The following ADAM22 variants were observed in gnomAD, a reference collection of about 807,000 sequenced individuals.
The protein encoded by ADAM22 is ADAM metallopeptidase domain 22, also known as disintegrin and metalloproteinase domain-containing protein 22.
In ADAM22, 65 loss-of-function variants were observed where a neutral mutation model predicts 144.6. The ratio of observed to expected loss-of-function variants is 0.45; its 90% CI spans 0.37 to 0.55. ADAM22 has a LOEUF of 0.55. ADAM22 is among the 20% of genes least tolerant of loss of function. ADAM22 has a pLI of 0.00. For synonymous variants in ADAM22, 391 were observed against 412.6 expected, an observed-to-expected ratio of 0.95 and a Z score of 0.63; for missense variants, 974 against 1,184.9, an observed-to-expected ratio of 0.82 and a Z score of 2.61.
At chr7:87,956,206 C>G (rs958578317) in intron 2 of ADAM22, among the ~76,000 whole-genome samples, 4 of 152,148 alleles carry the variant, frequency 2.6e-5, no homozygotes, top group Admixed American at 6.5e-5. Context: ...GCAGAAATCA[C>G]CCGTCTTCTG....
In ADAM22 at chr7:88,198,207, T is replaced by G. The variant is rs1850880246; in HGVS notation, c.*1716T>G. On this transcript the variant is annotated 3_prime_UTR_variant, in exon 32 of 32. Transcript: ENST00000413139. ...GGACAAAATCCATATCATCTTCATA[T>G]GTAATCAATTTGATTACATATCATG... is the stretch of plus-strand genomic sequence containing the variant. 1 of 152,230 alleles carries G rather than the reference T, an allele frequency of 6.6e-6. No homozygotes were observed. Among genetic ancestry groups the G allele is most frequent in the Non-Finnish European group, 1.5e-5 (1 of 68,044 alleles). The allele number at this position is 152,230 out of a possible 1,614,324, so 9.4% of individuals were successfully genotyped here.
In ADAM22 at chr7:88,145,404, A is replaced by T. The variant is rs1391490373; in HGVS notation, c.1393-11A>T. 1 of 1,606,612 alleles carries T rather than the reference A, an allele frequency of 6.2e-7. No individual in the cohort carries two copies. The highest frequency in any genetic ancestry group is 8.5e-7 in the Non-Finnish European group (1 of 1,175,632). On this transcript the variant is annotated splice_polypyrimidine_tract_variant and intron_variant, in intron 16 of 31. Transcript: ENST00000413139. ...GTTTTCTGATGTTTTGAAAATGTTT[A>T]TATTCCTTAGGAATGTGTCCTTGAA...
At chr7:88,021,459 T>C (rs1199545168) in intron 3 of ADAM22, among the ~76,000 whole-genome samples, 3 of 152,202 alleles carry the variant, frequency 2.0e-5, no homozygotes, top group Non-Finnish European at 2.9e-5. Flanking sequence ...ATGACACATA[T>C]CCTGTTTCTG....
intron 4 of ADAM22, among the ~76,000 whole-genome samples, chr7:88,080,585 A>G (rs1050569588): frequency 6.6e-6 from 1 of 152,200 alleles, no homozygotes; most frequent in African/African-American, 2.4e-5. Context: ...GATCAACAAA[A>G]TTGATAGACC....
chr7:88,199,781 T>C lies in ADAM22; in HGVS notation c.*3290T>C, dbSNP rs1234728731. The stretch of plus-strand genomic sequence containing the variant: ...TGCCAACTTATTTTTCACTTTGATA[T>C]TGGTGCTTTATTAAGTGATACCATA... On this transcript the variant is annotated 3_prime_UTR_variant, in exon 32 of 32. Coordinates refer to ENST00000413139, the MANE Select transcript of ADAM22 (RefSeq NM_001324418.2). 1 of 152,240 alleles carries C rather than the reference T, an allele frequency of 6.6e-6. No homozygotes were observed. The highest frequency in any genetic ancestry group is 1.5e-5 in the Non-Finnish European group (1 of 68,044). 9.4% of individuals were successfully genotyped at this position (152,240 alleles called of 1,614,324 possible).
chr7:88,123,416 T>G (rs1237472118), intron 7 of ADAM22, among the ~76,000 whole-genome samples: 1 of 152,112 alleles, frequency 6.6e-6, no homozygotes, highest in Non-Finnish European at 1.5e-5. Context: ...GAATTAAAGT[T>G]ATTTAATAGA....
intron 2 of ADAM22, among the ~76,000 whole-genome samples, chr7:87,976,492 C>G (rs1851923410): frequency 6.6e-6 from 1 of 152,166 alleles, no homozygotes; most frequent in Admixed American, 6.5e-5. Context: ...ACCAAATCTA[C>G]CAACACCTTA....
At chr7:88,084,876 G>A (rs1340007180) in intron 4 of ADAM22, among the ~76,000 whole-genome samples, 1 of 152,178 alleles carries the variant, frequency 6.6e-6, no homozygotes, top group Non-Finnish European at 1.5e-5. Flanking sequence ...AGATCAAGAT[G>A]TTGACAGGGT....
intron 30 of ADAM22, among the ~76,000 whole-genome samples, chr7:88,190,951 T>C (rs1586648990): frequency 6.6e-6 from 1 of 150,850 alleles, no homozygotes; most frequent in East Asian, 2.0e-4. Context: ...AAGAGTGTTA[T>C]TATTCTTTAC....
At chr7:88,043,963 C>A (rs1803828739) in intron 3 of ADAM22, among the ~76,000 whole-genome samples, 1 of 152,130 alleles carries the variant, frequency 6.6e-6, no homozygotes, top group African/African-American at 2.4e-5. Flanking sequence ...GATACTTCAT[C>A]TGTTTTTATA....
chr7:88,076,284 C>T (rs1043958997), intron 4 of ADAM22, among the ~76,000 whole-genome samples: 20 of 152,104 alleles, frequency 1.3e-4, no homozygotes, highest in African/African-American at 4.1e-4. Flanking sequence ...GTGATCCACC[C>T]GCTCCGGCCT....
rs765038098 is a variant in ADAM22, at chr7:88,151,292, T to A, written c.1653T>A (p.Asp551Glu). ...ICFGGRCKTRDRQCKYIWGQK... is the reference protein window; with the variant it reads ...ICFGGRCKTRERQCKYIWGQK... ...TTGGAGGAAGATGCAAAACCAGAGA[T>A]AGACAATGCAAATACATTTGGGGGC... The change falls in exon 20 of 32, where the codon GAT becomes GAA. Residue 551 changes from aspartate to glutamate, a missense_variant. By Grantham distance (45) the Asp-to-Glu change is conservative (BLOSUM62 2). This residue lies in a region of ADAM22 where 734 missense variants were observed against 950.6 expected (regional missense o/e 0.77). Coordinates refer to ENST00000413139, the MANE Select transcript of ADAM22 (RefSeq NM_001324418.2). 1.9e-6 allele frequency: 3 copies of A among 1,614,140 alleles called. No homozygotes were observed. The highest frequency in any genetic ancestry group is 1.7e-6 in the Non-Finnish European group (2 of 1,179,994).
chr7:88,141,202 G>T (rs1253652383), intron 14 of ADAM22, among the ~76,000 whole-genome samples: 1 of 152,200 alleles, frequency 6.6e-6, no homozygotes, highest in Admixed American at 6.5e-5. Context: ...ACAAAGTGTG[G>T]GAAAGAGCAG....
chr7:88,042,726 A>G (rs1363470248), intron 3 of ADAM22, among the ~76,000 whole-genome samples: 1 of 151,820 alleles, frequency 6.6e-6, no homozygotes, highest in Non-Finnish European at 1.5e-5. Context: ...GAACTTGTTC[A>G]GGTCAGGCTG....
intron 14 of ADAM22, among the ~76,000 whole-genome samples, chr7:88,138,155 A>AAAT (rs999787541): frequency 6.6e-6 from 1 of 152,178 alleles, no homozygotes; most frequent in African/African-American, 2.4e-5. Context: ...ATCCTGTCTC[A>AAAT]AATAATAATA....
Sources: gnomAD v4.1 joint callset for allele counts (sites outside exome capture counted in the v4.1 genomes callset) on GRCh38, gnomAD v4.1.1 for gene constraint, gnomAD v4.1.1 regional missense constraint, MANE v1.5 for transcripts, NCBI Gene and HGNC (gene_info 2026-07-23, HGNC 2026-07-21) for gene names.